PIN1: variants seen among roughly 807,000 people sequenced by gnomAD.
PIN1 encodes peptidyl-prolyl cis-trans isomerase NIMA-interacting 1.
PIN1 carries 8 observed loss-of-function variants against 19.9 expected under a neutral mutation model. That is an observed-to-expected ratio of 0.40 (90% CI 0.24 to 0.72). The LOEUF is 0.72. Among genes scored for constraint, PIN1 ranks in the 30% least tolerant of loss-of-function variants. PIN1 has a pLI of 0.37. For synonymous variants in PIN1, 86 were observed against 90.8 expected (o/e 0.95, Z 0.30); for missense variants, 185 against 226.5 (o/e 0.82, Z 1.18).
intron 2 of PIN1, among the ~76,000 whole-genome samples, chr19:9,847,011 C>T (rs1427809379): frequency 6.6e-6 from 1 of 152,086 alleles, no homozygotes; most frequent in African/African-American, 2.4e-5. Flanking sequence ...AAGGGACGCC[C>T]GTTTGTGTCA....
intron 1 of PIN1, chr19:9,836,655 C>T (rs1030622179): frequency 5.7e-6 from 2 of 352,214 alleles, no homozygotes; most frequent in Admixed American, 7.2e-5. Flanking sequence ...TTCTTGTTCA[C>T]AGTCTTCACT....
chr19:9,843,592 A>G (rs1421732942), intron 2 of PIN1, among the ~76,000 whole-genome samples: 1 of 152,234 alleles, frequency 6.6e-6, no homozygotes, highest in African/African-American at 2.4e-5. Context: ...ACAGTTCTGG[A>G]GGCCAGAAGT....
In PIN1 at chr19:9,843,317, T is replaced by C. The variant is rs2046186819; in HGVS notation, c.271+4669T>C. On this transcript the variant is annotated intron_variant, in intron 2 of 3. Transcript: ENST00000247970. ...GCCTCTAGCCCCTCCTTCTGGATCTTGGTCTTCTCAGATCTGACCCTGTCA... is the reference window on the plus strand; with the variant it reads ...GCCTCTAGCCCCTCCTTCTGGATCTCGGTCTTCTCAGATCTGACCCTGTCA... 2.0e-5 allele frequency among the ~76,000 whole-genome samples: 3 copies of C among 152,266 alleles called. No homozygotes were observed. The South Asian group carries it at 6.2e-4, about 31-fold the overall frequency.
chr19:9,846,878 A>G lies in PIN1; in HGVS notation c.272-1152A>G, dbSNP rs1289120741. Among the ~76,000 whole-genome samples, 2 of 152,068 alleles carry G rather than the reference A, an allele frequency of 1.3e-5. No homozygotes were observed. The highest frequency in any genetic ancestry group is 2.4e-5 in the African/African-American group (1 of 41,428). ...TCAGGGTGACCTTCACGTTGGAGAG[A>G]AGAACTGGTGTCCCTGGAGAGTGGC... On this transcript the variant is annotated intron_variant, in intron 2 of 3. Coordinates refer to ENST00000247970, the MANE Select transcript of PIN1 (RefSeq NM_006221.4). The surrounding 1 kb of genome is among the most constrained non-coding windows in gnomAD (Gnocchi z 5.9).
chr19:9,845,158 G>A (rs1321596677), intron 2 of PIN1, among the ~76,000 whole-genome samples: 1 of 152,198 alleles, frequency 6.6e-6, no homozygotes, highest in Non-Finnish European at 1.5e-5. Context: ...TTGTCGCGGG[G>A]TCAGGTACAG....
In PIN1 at chr19:9,846,647, G is replaced by T. The variant is rs910039120; in HGVS notation, c.272-1383G>T. 6.6e-6 allele frequency among the ~76,000 whole-genome samples: 1 copy of T among 152,320 alleles called. No homozygotes were observed. Among genetic ancestry groups the T allele is most frequent in the South Asian group, 2.1e-4 (1 of 4,828 alleles). On this transcript the variant is annotated intron_variant, in intron 2 of 3. Coordinates refer to ENST00000247970, the MANE Select transcript of PIN1 (RefSeq NM_006221.4). The surrounding 1 kb of genome is among the most constrained non-coding windows in gnomAD (Gnocchi z 5.9). ...TGGATCAGTCCAGTGTGTTCAGCAG[G>T]TGCCACGGTTGGGTGTCCAGGCCTC...
chr19:9,835,540 G>A, intron 1 of PIN1, 138 bp downstream of exon 1: 1 of 625,936 alleles, frequency 1.6e-6, no homozygotes, highest in Non-Finnish European at 2.5e-6. Context: ...CGGGGTAACG[G>A]CCCCGGCCCG....
In PIN1 at chr19:9,836,829, C is replaced by T. The variant is rs34208405; in HGVS notation, c.58+1427C>T. On this transcript the variant is annotated intron_variant, in intron 1 of 3. Coordinates refer to ENST00000247970, the MANE Select transcript of PIN1 (RefSeq NM_006221.4). The stretch of plus-strand genomic sequence containing the variant: ...CTGTGTGTGCCTGGAACAGAGTAAA[C>T]ACTCAGGAAGCGTTACCCACTGCTG... 7,572 of 1,286,812 alleles carry T rather than the reference C, an allele frequency of 5.9e-3. 31 individuals carry two copies. The highest frequency in any genetic ancestry group is 6.5e-3 in the Non-Finnish European group (6,392 of 988,344). The allele number at this position is 1,286,812 out of a possible 1,614,324, so 79.7% of individuals were successfully genotyped here. A position where few individuals can be genotyped will look rare whatever the true frequency, so the allele number is the denominator to read the frequency against.
chr19:9,840,269 G>A (rs1319607884), intron 2 of PIN1, among the ~76,000 whole-genome samples: 1 of 152,108 alleles, frequency 6.6e-6, no homozygotes, highest in Non-Finnish European at 1.5e-5. Flanking sequence ...GGCACCTGTA[G>A]TCCCAGCTAC....
chr19:9,835,423 G>A, intron 1 of PIN1, 21 bp downstream of exon 1: 5 of 1,472,350 alleles, frequency 3.4e-6, no homozygotes, highest in Non-Finnish European at 4.5e-6. Context: ...GGTCGGGGCT[G>A]GGGCGGGACT....
chr19:9,839,929 G>A (rs2046147975), intron 2 of PIN1, among the ~76,000 whole-genome samples: 1 of 151,326 alleles, frequency 6.6e-6, no homozygotes, highest in Non-Finnish European at 1.5e-5. Flanking sequence ...GAGCCCAGGA[G>A]GCAGAGGTTG....
chr19:9,847,539 A>G (rs2046230739), intron 2 of PIN1, among the ~76,000 whole-genome samples: 2 of 152,202 alleles, frequency 1.3e-5, no homozygotes, highest in East Asian at 3.9e-4. Flanking sequence ...CTGGGGCCAC[A>G]GGCTGCCGTG....
rs1056547536 is a variant in PIN1 at position 9,843,705 on chromosome 19, G to A, written c.272-4325G>A. ...TGCACTCACATGGCATTCCCCAGGC[G>A]CATGTGCACGGAGTGAAGGAGCACG... On this transcript the variant is annotated intron_variant, in intron 2 of 3. Coordinates refer to ENST00000247970, the MANE Select transcript of PIN1 (RefSeq NM_006221.4). Among the ~76,000 whole-genome samples the A allele has an allele frequency of 2.6e-5, 4 of 152,126 alleles. No homozygotes were observed. The South Asian group carries it at 6.2e-4, about 24-fold the overall frequency.
Position 9,849,389 on chromosome 19 carries a change from C to T in PIN1, c.*190C>T. 1 of 719,322 alleles carries T rather than the reference C, an allele frequency of 1.4e-6. No homozygotes were observed. Among genetic ancestry groups the T allele is most frequent in the Non-Finnish European group, 2.5e-6 (1 of 394,122 alleles). 44.6% of individuals were successfully genotyped at this position (719,322 alleles called of 1,614,324 possible). On this transcript the variant is annotated 3_prime_UTR_variant, in exon 4 of 4. Coordinates refer to ENST00000247970, the MANE Select transcript of PIN1 (RefSeq NM_006221.4). ...CTGGGGTCCCCACTCCCTGTCCATC[C>T]CCAGTTGGGGCTGCGACCGCCAGAT...
At chr19:9,835,719 G>A in intron 1 of PIN1, 1 of 388,296 alleles carries the variant, frequency 2.6e-6, no homozygotes. Context: ...GGACGTCTCT[G>A]CACCTTGCTG....
At chr19:9,848,338 G>A (rs2287838) in intron 3 of PIN1, 198 bp downstream of exon 3, 276,734 of 592,752 alleles carry the variant, frequency 0.47, 70,989 homozygotes, top group Admixed American at 0.57. Context: ...GGGGGCTGCA[G>A]CACTTTCTTC....
intron 2 of PIN1, among the ~76,000 whole-genome samples, chr19:9,843,112 C>T (rs978830356): frequency 6.6e-6 from 1 of 152,250 alleles, no homozygotes; most frequent in Non-Finnish European, 1.5e-5. Flanking sequence ...TCCCTGCCCG[C>T]TCTCCACCCA....
At chr19:9,847,691 T>G (rs2046233052) in intron 2 of PIN1, among the ~76,000 whole-genome samples, 1 of 117,814 alleles carries the variant, frequency 8.5e-6, no homozygotes, top group Admixed American at 9.7e-5. Context: ...CCCTCACGTG[T>G]GTGTGTGTGT....
At chr19:9,836,481 C>T (rs774441061) in intron 1 of PIN1, 10 of 197,778 alleles carry the variant, frequency 5.1e-5, no homozygotes, top group Non-Finnish European at 1.1e-4. Flanking sequence ...TGGCCTGTGG[C>T]TGGGACCTCC....
Sources: gnomAD v4.1 joint callset for allele counts (sites outside exome capture counted in the v4.1 genomes callset) on GRCh38, gnomAD v4.1.1 for gene constraint, Gnocchi (gnomAD v3.1) non-coding constraint, MANE v1.5 for transcripts, NCBI Gene and HGNC (gene_info 2026-07-23, HGNC 2026-07-21) for gene names.